TTC6: variants seen among roughly 807,000 people sequenced by gnomAD.
TTC6 encodes the protein tetratricopeptide repeat domain 6.
In TTC6, 172 loss-of-function variants were observed where a neutral mutation model predicts 210.4. That is an observed-to-expected ratio of 0.82 (90% CI 0.72 to 0.93). The LOEUF (loss-of-function observed/expected upper bound fraction) is 0.93. Among genes scored for constraint, TTC6 ranks in the 40% least tolerant of loss-of-function variants. The probability of loss-of-function intolerance (pLI) is 0.00; values close to 1 mark genes in which losing one functional copy is unlikely to be tolerated. For missense variants in TTC6, 2,414 were observed against 2,318.1 expected (o/e 1.04, Z -0.85); for synonymous variants, 804 against 819.6 (o/e 0.98, Z 0.32).
chr14:37,727,781 G>T (rs1054538429), intron 7 of TTC6, among the ~76,000 whole-genome samples: 5 of 151,908 alleles, frequency 3.3e-5, no homozygotes, highest in Admixed American at 2.0e-4. Flanking sequence ...ATACACCATA[G>T]TGTTTAAACA....
At chr14:37,784,606 A>G (rs893657431) in intron 14 of TTC6, among the ~76,000 whole-genome samples, 2 of 152,172 alleles carry the variant, frequency 1.3e-5, no homozygotes, top group Non-Finnish European at 2.9e-5. Context: ...TAATTGGAGC[A>G]TTTAGCCCAT....
At position 37,598,979 on chromosome 14, in the gene TTC6, G is replaced by GA. The variant is rs1369629949; in HGVS notation, c.-235+2973dup. 6.8e-6 allele frequency among the ~76,000 whole-genome samples: 1 copy of GA among 146,292 alleles called. No homozygotes were observed. Among genetic ancestry groups the GA allele is most frequent in the Non-Finnish European group, 1.5e-5 (1 of 67,432 alleles). ...GCTTAAGTCCTCCTTCTGCAGGGGA[G>GA]AATCGGATGCAATGAAACTAAGACC... On this transcript the variant is annotated intron_variant, in intron 1 of 2. Transcript: ENST00000556845. This position sits in a 1 kb window ranked among gnomAD's most constrained non-coding sequence, Gnocchi z 4.9.
intron 25 of TTC6, among the ~76,000 whole-genome samples, chr14:37,816,716 A>G (rs1171883176): frequency 6.6e-6 from 1 of 152,164 alleles, no homozygotes; most frequent in African/African-American, 2.4e-5. Flanking sequence ...TGTAAATATC[A>G]TGCAGTTGAC....
At chr14:37,660,462 AC>A (rs1363361356) in intron 1 of TTC6, among the ~76,000 whole-genome samples, 1 of 152,148 alleles carries the variant, frequency 6.6e-6, no homozygotes, top group Non-Finnish European at 1.5e-5. Context: ...GCTTCCACTT[AC>A]AACTGAGAAT....
chr14:37,651,210 A>T (rs1277273885), intron 1 of TTC6, among the ~76,000 whole-genome samples: 1 of 150,982 alleles, frequency 6.6e-6, no homozygotes, highest in Non-Finnish European at 1.5e-5. Flanking sequence ...GTTTTCCCAT[A>T]CCCCTCTCTG....
At chr14:37,822,008 T>C (rs181213577) in intron 26 of TTC6, among the ~76,000 whole-genome samples, 74 of 152,036 alleles carry the variant, frequency 4.9e-4, no homozygotes, top group African/African-American at 1.7e-3. Flanking sequence ...CTGGAACTCC[T>C]GACCTCGTGA....
intron 2 of TTC6, among the ~76,000 whole-genome samples, chr14:37,613,906 C>T (rs995978877): frequency 1.3e-5 from 2 of 151,894 alleles, no homozygotes; most frequent in African/African-American, 4.8e-5. Flanking sequence ...AAGAACCAAC[C>T]TTTGACTTAG....
In TTC6 at chr14:37,785,447, T is replaced by A. The variant is rs144541773; in HGVS notation, c.3267-2021T>A. ...TTGTGCATGCATCACGTAGTTCTTGTGCCATTGTTTTGAACTCCATCAGGT... is the reference window on the plus strand; with the variant it reads ...TTGTGCATGCATCACGTAGTTCTTGAGCCATTGTTTTGAACTCCATCAGGT... On this transcript the variant is annotated intron_variant, in intron 14 of 30. Transcript: ENST00000553443. Among the ~76,000 whole-genome samples the A allele has an allele frequency of 3.0e-4, 45 of 152,354 alleles. 1 individual carries two copies. The East Asian group carries it at 8.7e-3, about 29-fold the overall frequency.
chr14:37,804,181 G>T (rs1487060001), intron 20 of TTC6, among the ~76,000 whole-genome samples: 2 of 152,136 alleles, frequency 1.3e-5, no homozygotes, highest in Non-Finnish European at 2.9e-5. Context: ...TTGAGTTTTG[G>T]AGGTAGTTTA....
intron 1 of TTC6, among the ~76,000 whole-genome samples, chr14:37,600,502 A>G (rs1594989904): frequency 6.8e-6 from 1 of 147,084 alleles, no homozygotes; most frequent in Non-Finnish European, 1.5e-5. Flanking sequence ...CCCTCCCCCC[A>G]CACACCCAGG....
At chr14:37,775,949 T>C (rs900195213) in intron 14 of TTC6, among the ~76,000 whole-genome samples, 4 of 152,242 alleles carry the variant, frequency 2.6e-5, no homozygotes, top group Admixed American at 2.6e-4. Context: ...TCCACCTTTT[T>C]TTCTGATTTT....
At chr14:37,674,628 G>C (rs1024552329) in intron 1 of TTC6, among the ~76,000 whole-genome samples, 1 of 152,240 alleles carries the variant, frequency 6.6e-6, no homozygotes, top group African/African-American at 2.4e-5. Flanking sequence ...AGCAGAGCAC[G>C]TGTGCTCAAC....
chr14:37,605,727 C>G (rs1004360060), intron 1 of TTC6, among the ~76,000 whole-genome samples: 3 of 152,182 alleles, frequency 2.0e-5, no homozygotes, highest in Non-Finnish European at 2.9e-5. Context: ...TGGAGAACAT[C>G]TAAGCAAAGC....
At chr14:37,722,221 CAG>C (rs2095863341) in intron 6 of TTC6, among the ~76,000 whole-genome samples, 1 of 151,964 alleles carries the variant, frequency 6.6e-6, no homozygotes, top group African/African-American at 2.4e-5. Flanking sequence ...ACCCAGGATG[CAG>C]AGTTAATCAT....
intron 1 of TTC6, among the ~76,000 whole-genome samples, chr14:37,649,349 A>G (rs2095707105): frequency 1.3e-5 from 2 of 151,980 alleles, no homozygotes; most frequent in Non-Finnish European, 2.9e-5. Context: ...CCTTCCCACA[A>G]ACACATCTTC....
intron 14 of TTC6, among the ~76,000 whole-genome samples, chr14:37,773,545 T>C (rs2096027386): frequency 6.6e-6 from 1 of 152,194 alleles, no homozygotes. Flanking sequence ...TTTGTCAACT[T>C]TGTCCAACAT....
At chr14:37,762,085 G>T (rs116941867) in intron 14 of TTC6, among the ~76,000 whole-genome samples, 2 of 152,014 alleles carry the variant, frequency 1.3e-5, no homozygotes, top group East Asian at 1.9e-4. Context: ...ATTTTTCTCC[G>T]CCTGGCTTAT....
chr14:37,601,058 T>C (rs2095614737), intron 1 of TTC6, among the ~76,000 whole-genome samples: 1 of 152,190 alleles, frequency 6.6e-6, no homozygotes, highest in Non-Finnish European at 1.5e-5. Flanking sequence ...ACTTTCTGAA[T>C]GTTGTAATTT....
intron 7 of TTC6, among the ~76,000 whole-genome samples, chr14:37,725,685 T>C (rs145656947): frequency 2.1e-3 from 315 of 152,160 alleles, no homozygotes; most frequent in African/African-American, 7.2e-3. Flanking sequence ...ATTTAAAAAA[T>C]GTTATACTTA....
Sources: allele counts gnomAD v4.1 joint callset (sites outside exome capture counted in the v4.1 genomes callset), GRCh38; gene constraint gnomAD v4.1.1; non-coding constraint Gnocchi (gnomAD v3.1); transcripts MANE v1.5; gene names NCBI Gene and HGNC (gene_info 2026-07-23, HGNC 2026-07-21).